The following TBX6 variants were observed in gnomAD, a reference collection of about 807,000 sequenced individuals.
TBX6 encodes T-box transcription factor 6, also known as T-box transcription factor TBX6.
A neutral mutation model predicts 42.3 loss-of-function variants in TBX6; 29 were observed. That is an observed-to-expected ratio of 0.69 (90% CI 0.51 to 0.93). The LOEUF (loss-of-function observed/expected upper bound fraction) is 0.93. TBX6 is among the 40% of genes least tolerant of loss of function. The probability of loss-of-function intolerance (pLI) is 0.00; values close to 1 mark genes in which losing one functional copy is unlikely to be tolerated. For synonymous variants in TBX6, 249 were observed against 245.1 expected (o/e 1.02, Z -0.15); for missense variants, 569 against 603.3 (o/e 0.94, Z 0.59).
In TBX6 at chr16:30,091,253, C is replaced by T; in HGVS notation, c.-48-12G>A. 7.6e-7 allele frequency: 1 copy of T among 1,316,564 alleles called. No individual in the cohort carries two copies. 81.6% of individuals were successfully genotyped at this position (1,316,564 alleles called of 1,614,324 possible). ...TAGGGCCCCCGGTGCTGCGAGATGC[C>T]CCCTTTATAGCTCACAGCTCAGCCC... On this transcript the variant is annotated splice_polypyrimidine_tract_variant and intron_variant, in intron 1 of 8. Coordinates refer to ENST00000395224, the MANE Select transcript of TBX6 (RefSeq NM_004608.4).
Position 30,086,196 on chromosome 16 carries a change from T to C in TBX6, c.*29A>G. 1 of 1,603,070 alleles carries C rather than the reference T, an allele frequency of 6.2e-7. No individual in the cohort carries two copies. The highest frequency in any genetic ancestry group is 8.5e-7 in the Non-Finnish European group (1 of 1,176,094). ...CTGGGGGAAGGGAGCGGGAGGTTTGTGATGGAGGCAGAGGGGCCCAGCAGT... is the reference window on the plus strand; with the variant it reads ...CTGGGGGAAGGGAGCGGGAGGTTTGCGATGGAGGCAGAGGGGCCCAGCAGT... On this transcript the variant is annotated 3_prime_UTR_variant, in exon 9 of 9. Coordinates refer to ENST00000395224, the MANE Select transcript of TBX6 (RefSeq NM_004608.4). The surrounding 1 kb of genome is among the most constrained non-coding windows in gnomAD (Gnocchi z 4.6).
At position 30,088,445 on chromosome 16, in the gene TBX6, T is replaced by C; in HGVS notation, c.839+100A>G. On this transcript the variant is annotated intron_variant, in intron 6 of 8. Transcript: ENST00000395224. This position sits in a 1 kb window ranked among gnomAD's most constrained non-coding sequence, Gnocchi z 4.1. Reference sequence around the variant, plus strand: ...TGAGTCAGTGAATGAATGTTTTCACTTACCACTGCATTTCTGATGTCCAGC... The same window carrying C: ...TGAGTCAGTGAATGAATGTTTTCACCTACCACTGCATTTCTGATGTCCAGC... 2 of 1,515,524 alleles carry C rather than the reference T, an allele frequency of 1.3e-6. No homozygotes were observed. Among genetic ancestry groups the C allele is most frequent in the Non-Finnish European group, 1.8e-6 (2 of 1,093,746 alleles). 93.9% of individuals were successfully genotyped at this position (1,515,524 alleles called of 1,614,324 possible). A position where few individuals can be genotyped will look rare whatever the true frequency, so the allele number is the denominator to read the frequency against.
At position 30,088,523 on chromosome 16, in the gene TBX6, CAAAT is replaced by C. The variant is rs760682487; in HGVS notation, c.839+18_839+21del. ...AATAAACATTTGTTGAATGCATGAA[CAAAT>C]GAATGAACAACTCCCACCTCTTACA... On this transcript the variant is annotated intron_variant, in intron 6 of 8. Coordinates refer to ENST00000395224, the MANE Select transcript of TBX6 (RefSeq NM_004608.4). This position sits in a 1 kb window ranked among gnomAD's most constrained non-coding sequence, Gnocchi z 4.1. The C allele has an allele frequency of 4.3e-6, 7 of 1,614,224 alleles. No homozygotes were observed. Among genetic ancestry groups the C allele is most frequent in the Middle Eastern group, 1.6e-4 (1 of 6,062 alleles).
rs1170574405 is a variant in TBX6, at chr16:30,088,972, T to C, written c.592A>G (p.Thr198Ala). The part of the protein sequence containing the change: ...QPVSFHRVKL[T>A]NSTLDPHGHL... ...CCGTGGGGGTCCAGCGTGCTGTTGGTGAGCTTGACACGATGGAAAGACACA... is the reference window on the plus strand; with the variant it reads ...CCGTGGGGGTCCAGCGTGCTGTTGGCGAGCTTGACACGATGGAAAGACACA... Residue 198 changes from threonine to alanine, a missense_variant, in exon 4 of 9, where the codon ACC (threonine) becomes GCC (alanine). Physicochemically the swap from Thr to Ala is moderately conservative, Grantham distance 58. Around this residue, in one of 3 missense-constraint regions of TBX6, gnomAD observed 190 missense variants for 250.6 expected, o/e 0.76. Transcript: ENST00000395224. The surrounding 1 kb of genome is among the most constrained non-coding windows in gnomAD (Gnocchi z 4.1). 2 of 1,611,656 alleles carry C rather than the reference T, an allele frequency of 1.2e-6. No individual in the cohort carries two copies. The highest frequency in any genetic ancestry group is 1.7e-6 in the Non-Finnish European group (2 of 1,178,244).
Position 30,088,720 on chromosome 16 carries a change from G to A in TBX6, c.741C>T (p.Ile247=), listed in dbSNP as rs2072676558. The A allele has an allele frequency of 6.2e-7, 1 of 1,614,058 alleles. No homozygotes were observed. The highest frequency in any genetic ancestry group is 8.5e-7 in the Non-Finnish European group (1 of 1,180,028). ...GTGGGTTCTGGTAGGCTGTCACGGA[G>A]ATGAATGTGGTCTCGGGGAAGCGGA... ...ASFRFPETTF[I]SVTAYQNPQI... is the part of the protein sequence containing the mutation. The change falls in exon 5 of 9, where the codon ATC becomes ATT. Residue 247 remains isoleucine, a synonymous_variant. Transcript: ENST00000395224. This position sits in a 1 kb window ranked among gnomAD's most constrained non-coding sequence, Gnocchi z 4.1.
At position 30,089,113 on chromosome 16, in the gene TBX6, A is replaced by G. The variant is rs758143168; in HGVS notation, c.451T>C (p.Tyr151His). 1.9e-6 allele frequency: 3 copies of G among 1,613,876 alleles called. No homozygotes were observed. The highest frequency in any genetic ancestry group is 2.2e-5 in the East Asian group (1 of 44,886). The change falls in exon 4 of 9, where the codon TAC (tyrosine) becomes CAC (histidine). Residue 151 changes from tyrosine to histidine, a missense_variant. By Grantham distance (83) the Tyr-to-His change is moderately conservative. This residue lies in a region of TBX6 where 190 missense variants were observed against 250.6 expected (regional missense o/e 0.76). Transcript: ENST00000395224. ...TCCCAGCGCCGGCCCTGCCAGCGGT[A>G]GCGAGCCCCATCCACCGGAATCACA... ...LDVIPVDGAR[Y>H]RWQGRRWEPS...
intron 3 of TBX6, among the ~76,000 whole-genome samples, chr16:30,089,845 G>A (rs1251973465): frequency 4.0e-5 from 6 of 149,890 alleles, no homozygotes; most frequent in Middle Eastern, 3.5e-3. Context: ...CAGGAGAATC[G>A]CTTGAATCCA....
Position 30,088,023 on chromosome 16 carries a change from C to T in TBX6, c.839+522G>A. ...GCATGATCTCGACTCACTGCAACCT[C>T]CACCTCCTGGGTTCAAGAGATTCTC... is the stretch of plus-strand genomic sequence containing the variant. On this transcript the variant is annotated intron_variant, in intron 6 of 8. Coordinates refer to ENST00000395224, the MANE Select transcript of TBX6 (RefSeq NM_004608.4). The surrounding 1 kb of genome is among the most constrained non-coding windows in gnomAD (Gnocchi z 4.1). 1 of 161,542 alleles carries T rather than the reference C, an allele frequency of 6.2e-6. No individual in the cohort carries two copies. Among genetic ancestry groups the T allele is most frequent in the Non-Finnish European group, 1.3e-5 (1 of 74,812 alleles). 10.0% of individuals were successfully genotyped at this position (161,542 alleles called of 1,614,324 possible).
intron 3 of TBX6, among the ~76,000 whole-genome samples, chr16:30,090,049 C>T (rs1293867386): frequency 6.6e-6 from 1 of 151,982 alleles, no homozygotes; most frequent in African/African-American, 2.4e-5. Flanking sequence ...ATCTGTCACA[C>T]AGCAGGTTAG....
chr16:30,086,890 T>C lies in TBX6; in HGVS notation c.840-39A>G, dbSNP rs1186951206. On this transcript the variant is annotated intron_variant, in intron 6 of 8. Coordinates refer to ENST00000395224, the MANE Select transcript of TBX6 (RefSeq NM_004608.4). The surrounding 1 kb of genome is among the most constrained non-coding windows in gnomAD (Gnocchi z 4.6). ...GTGGTGATGATGATGATGATGGTGA[T>C]GGCCATGGTGATGGTAACAGTACTT... 6.3e-7 allele frequency: 1 copy of C among 1,595,714 alleles called. No homozygotes were observed. Among genetic ancestry groups the C allele is most frequent in the Admixed American group, 1.7e-5 (1 of 57,878 alleles).
chr16:30,088,427 G>T lies in TBX6; in HGVS notation c.839+118C>A, dbSNP rs2072671668. 7 of 1,383,678 alleles carry T rather than the reference G, an allele frequency of 5.1e-6. 1 individual carries two copies. The South Asian group carries it at 8.3e-5, about 16-fold the overall frequency. 85.7% of individuals were successfully genotyped at this position (1,383,678 alleles called of 1,614,324 possible). A position where few individuals can be genotyped will look rare whatever the true frequency, so the allele number is the denominator to read the frequency against. ...TACTATATAAGTATTTGCTGAGTCA[G>T]TGAATGAATGTTTTCACTTACCACT... On this transcript the variant is annotated intron_variant, in intron 6 of 8. Transcript: ENST00000395224. The surrounding 1 kb of genome is among the most constrained non-coding windows in gnomAD (Gnocchi z 4.1).
In TBX6 at chr16:30,089,162, C is replaced by T. The variant is rs760915965; in HGVS notation, c.402G>A (p.Glu134=). 6 of 1,613,958 alleles carry T rather than the reference C, an allele frequency of 3.7e-6. No individual in the cohort carries two copies. The highest frequency in any genetic ancestry group is 4.2e-6 in the Non-Finnish European group (5 of 1,180,030). Residue 134 remains glutamate (E), a synonymous_variant, in exon 4 of 9, where the codon GAG becomes GAA. Coordinates refer to ENST00000395224, the MANE Select transcript of TBX6 (RefSeq NM_004608.4). ...CRVSVTGLDP[E]ARYLFLLDVI... Reference sequence around the variant, plus strand: ...CATCCAGAAGAAACAAGTAGCGGGCCTCGGGGTCCAGGCCAGTGACTGACA... The same window carrying T: ...CATCCAGAAGAAACAAGTAGCGGGCTTCGGGGTCCAGGCCAGTGACTGACA...
rs545428580 is a variant in TBX6, at chr16:30,091,311, T to G, written c.-48-70A>C. On this transcript the variant is annotated intron_variant, in intron 1 of 8. Coordinates refer to ENST00000395224, the MANE Select transcript of TBX6 (RefSeq NM_004608.4). ...ATCCAGGATCACAGCCCCTCCCCTC[T>G]TTGGGGCCCTGGAGTTGGGCTGGGG... is the stretch of plus-strand genomic sequence containing the variant. 64 of 890,054 alleles carry G rather than the reference T, an allele frequency of 7.2e-5. 2 individuals carry two copies. The South Asian group carries it at 1.1e-3, about 16-fold the overall frequency. 55.1% of individuals were successfully genotyped at this position (890,054 alleles called of 1,614,324 possible).
intron 3 of TBX6, 70 bp from the exon 4 acceptor site, chr16:30,089,280 C>A: frequency 6.5e-7 from 1 of 1,544,098 alleles, no homozygotes; most frequent in South Asian, 1.2e-5. Context: ...GCACCAGTAA[C>A]GGGACATAAC....
In TBX6 at chr16:30,086,241, G is replaced by A; in HGVS notation, c.1295C>T (p.Ser432Phe). ...TAPGGYLDVGSKPMY is the reference protein window; with the variant it reads ...TAPGGYLDVGFKPMY Reference sequence around the variant, plus strand: ...AGCAGTGGTTCAGTACATGGGTTTGGAGCCCACATCCAGATAGCCCCCAGG... The same window carrying A: ...AGCAGTGGTTCAGTACATGGGTTTGAAGCCCACATCCAGATAGCCCCCAGG... The change falls in exon 9 of 9, where the codon TCC becomes TTC. Residue 432 changes from serine to phenylalanine, a missense_variant. Physicochemically the swap from Ser to Phe is radical, Grantham distance 155. Transcript: ENST00000395224. The surrounding 1 kb of genome is among the most constrained non-coding windows in gnomAD (Gnocchi z 4.6). 6.2e-7 allele frequency: 1 copy of A among 1,611,812 alleles called. No homozygotes were observed. The highest frequency in any genetic ancestry group is 8.5e-7 in the Non-Finnish European group (1 of 1,179,660).
rs750578376 is a variant in TBX6, at chr16:30,089,109, C to T, written c.455G>A (p.Arg152His). The T allele has an allele frequency of 6.2e-6, 10 of 1,613,964 alleles. No individual in the cohort carries two copies. Among genetic ancestry groups the T allele is most frequent in the East Asian group, 2.2e-5 (1 of 44,870 alleles). Residue 152 changes from arginine to histidine, a missense_variant, in exon 4 of 9, where the codon CGC (arginine) becomes CAC (histidine). Arg to His is a conservative substitution (Grantham distance 29). Coordinates refer to ENST00000395224, the MANE Select transcript of TBX6 (RefSeq NM_004608.4). ...DVIPVDGARYRWQGRRWEPSG... is the reference protein window; with the variant it reads ...DVIPVDGARYHWQGRRWEPSG... ...GGGCTCCCAGCGCCGGCCCTGCCAGCGGTAGCGAGCCCCATCCACCGGAAT... is the reference window on the plus strand; with the variant it reads ...GGGCTCCCAGCGCCGGCCCTGCCAGTGGTAGCGAGCCCCATCCACCGGAAT...
At chr16:30,087,682 C>T (rs2072656322) in intron 6 of TBX6, among the ~76,000 whole-genome samples, 1 of 152,140 alleles carries the variant, frequency 6.6e-6, no homozygotes, top group Admixed American at 6.5e-5. Flanking sequence ...GCAGCCACGC[C>T]ACAGGCACAG....
chr16:30,091,168 G>C lies in TBX6; in HGVS notation c.26C>G (p.Pro9Arg), dbSNP rs773149674. Residue 9 changes from proline (P) to arginine (R), a missense_variant, in exon 2 of 9, where the codon CCG (proline) becomes CGG (arginine). By Grantham distance (103) the Pro-to-Arg change is moderately radical. This residue lies in a region of TBX6 where 134 missense variants were observed against 125.3 expected (regional missense o/e 1.07). Coordinates refer to ENST00000395224, the MANE Select transcript of TBX6 (RefSeq NM_004608.4). Reference sequence around the variant, plus strand: ...CAGGCGGTAGCCGGCCCCCAGGGACGGGTACAATTCTCGTGGATGGTACAT... The same window carrying C: ...CAGGCGGTAGCCGGCCCCCAGGGACCGGTACAATTCTCGTGGATGGTACAT... MYHPRELY[P>R]SLGAGYRLGP... 1 of 1,592,468 alleles carries C rather than the reference G, an allele frequency of 6.3e-7. No homozygotes were observed. The highest frequency in any genetic ancestry group is 1.1e-5 in the South Asian group (1 of 87,594).
chr16:30,091,642 T>G, intron 1 of TBX6: 1 of 162,838 alleles, frequency 6.1e-6, no homozygotes, highest in South Asian at 1.4e-4. Flanking sequence ...CCAGACCTTC[T>G]GGCAGGTGAC....
Sources: gnomAD v4.1 joint callset for allele counts (sites outside exome capture counted in the v4.1 genomes callset) on GRCh38, gnomAD v4.1.1 for gene constraint, gnomAD v4.1.1 regional missense constraint, Gnocchi (gnomAD v3.1) non-coding constraint, MANE v1.5 for transcripts, NCBI Gene and HGNC (gene_info 2026-07-23, HGNC 2026-07-21) for gene names.